TG: variants seen among roughly 807,000 people sequenced by gnomAD.
TG encodes the protein thyroglobulin.
TG carries 270 observed loss-of-function variants against 324.7 expected under a neutral mutation model. The ratio of observed to expected loss-of-function variants is 0.83; its 90% CI spans 0.75 to 0.92. TG has a LOEUF of 0.92. Ranked by LOEUF, TG falls within the 40% of genes least tolerant of loss-of-function variation. TG has a pLI of 0.00. For missense variants in TG, 3,591 were observed against 3,456.4 expected (o/e 1.04, Z -0.98); for synonymous variants, 1,401 against 1,327.0 (o/e 1.06, Z -1.21).
intron 41 of TG, chr8:133,037,118 G>A (rs1837249067): frequency 6.6e-6 from 1 of 152,202 alleles, no homozygotes. Flanking sequence ...ATGCTTATGT[G>A]AGCAGACAGA....
intron 27 of TG, among the ~76,000 whole-genome samples, chr8:132,960,697 C>T (rs1827615803): frequency 6.6e-6 from 1 of 152,072 alleles, no homozygotes; most frequent in East Asian, 1.9e-4. Flanking sequence ...CTCGAGTGTC[C>T]CAGGAGGTTT....
At chr8:133,096,511 G>A (rs1488151829) in intron 43 of TG, 138 bp downstream of exon 43, 2 of 1,054,872 alleles carry the variant, frequency 1.9e-6, no homozygotes, top group East Asian at 2.4e-5. Context: ...AGTTTAGGAG[G>A]TGGTAATGGG....
At chr8:132,952,734 C>T (rs956896208) in intron 27 of TG, among the ~76,000 whole-genome samples, 5 of 152,350 alleles carry the variant, frequency 3.3e-5, no homozygotes, top group African/African-American at 9.6e-5. Flanking sequence ...AGCACTTTCA[C>T]GTACAACTCA....
intron 10 of TG, among the ~76,000 whole-genome samples, chr8:132,891,399 A>T (rs1447729796): frequency 6.6e-6 from 1 of 152,164 alleles, no homozygotes. Flanking sequence ...CAGTGGCATG[A>T]TCTCAGTTCA....
chr8:132,974,233 A>T (rs1363104222), intron 34 of TG, among the ~76,000 whole-genome samples: 2 of 152,044 alleles, frequency 1.3e-5, no homozygotes, highest in Non-Finnish European at 2.9e-5. Flanking sequence ...ACCTCAGGTG[A>T]TCCACCCGCC....
intron 46 of TG, 156 bp from the exon 47 acceptor site, chr8:133,133,314 C>A (rs1304470920): frequency 1.3e-6 from 1 of 780,222 alleles, no homozygotes; most frequent in Non-Finnish European, 2.2e-6. Context: ...AAGATCACAA[C>A]CCCAGAAGCC....
intron 37 of TG, among the ~76,000 whole-genome samples, chr8:133,015,304 T>G (rs1287079961): frequency 6.6e-6 from 1 of 152,218 alleles, no homozygotes; most frequent in Non-Finnish European, 1.5e-5. Context: ...AATGCTCACT[T>G]CCAAAAGATG....
chr8:132,922,797 G>T (rs1418374410), intron 21 of TG, among the ~76,000 whole-genome samples: 1 of 152,090 alleles, frequency 6.6e-6, no homozygotes, highest in Non-Finnish European at 1.5e-5. Context: ...TCTTTTAAAG[G>T]GTACAAATCT....
chr8:132,935,523 G>C (rs1232918210), intron 24 of TG, among the ~76,000 whole-genome samples: 1 of 152,052 alleles, frequency 6.6e-6, no homozygotes, highest in Non-Finnish European at 1.5e-5. Flanking sequence ...TTTCTGAATG[G>C]AATCAATTGC....
chr8:133,024,906 C>T (rs902733006), intron 40 of TG, among the ~76,000 whole-genome samples: 4 of 152,048 alleles, frequency 2.6e-5, no homozygotes, highest in Non-Finnish European at 4.4e-5. Flanking sequence ...AATGATTTGG[C>T]GATTCCTCAA....
chr8:133,015,021 T>C (rs2702997), intron 37 of TG, among the ~76,000 whole-genome samples: 38,394 of 152,104 alleles, frequency 0.25, 5,919 homozygotes, highest in South Asian at 0.4. Flanking sequence ...TACAGGTGCA[T>C]GCCATGATGC....
At chr8:132,872,159 GT>G (rs1369432859) in intron 4 of TG, among the ~76,000 whole-genome samples, 8 of 152,118 alleles carry the variant, frequency 5.3e-5, no homozygotes, top group Non-Finnish European at 8.8e-5. Flanking sequence ...AGAGTCAAAA[GT>G]TTTAAAAAAT....
intron 5 of TG, among the ~76,000 whole-genome samples, chr8:132,880,425 T>A (rs1814488350): frequency 6.6e-6 from 1 of 152,226 alleles, no homozygotes; most frequent in African/African-American, 2.4e-5. Context: ...AATTGAATTA[T>A]CCTAGGCTCT....
At position 132,886,656 on chromosome 8, in the gene TG, A is replaced by G. The variant is rs763822395; in HGVS notation, c.1284A>G (p.Gly428=). The G allele has an allele frequency of 6.2e-6, 10 of 1,614,166 alleles. No individual in the cohort carries two copies. The Admixed American group carries it at 8.3e-5, about 13-fold the overall frequency. Residue 428 remains glycine, a synonymous_variant, in exon 9 of 48, where the codon GGA becomes GGG. Coordinates refer to ENST00000220616, the MANE Select transcript of TG (RefSeq NM_003235.5). ...GGCTTCTCCGCCCAATGGTGGAGGG[A>G]CAGAGCCAACAGTTTTCTGTCTCAG... ...DSGLLRPMVE[G]QSQQFSVSEN... is the part of the protein sequence containing the mutation.
At chr8:132,909,754 A>C (rs540696087) in intron 18 of TG, among the ~76,000 whole-genome samples, 16 of 152,310 alleles carry the variant, frequency 1.1e-4, no homozygotes, top group African/African-American at 3.6e-4. Context: ...CCCACCTTGG[A>C]GAGTCAGTTT....
intron 45 of TG, among the ~76,000 whole-genome samples, chr8:133,118,320 C>CTT (rs34171048): frequency 7.2e-4 from 64 of 88,912 alleles, no homozygotes; most frequent in Middle Eastern, 0.011. Context: ...CAGATTCTTC[C>CTT]TTTTTTTTTT....
chr8:132,931,490 A>G (rs1384998748), intron 23 of TG, among the ~76,000 whole-genome samples: 4 of 152,168 alleles, frequency 2.6e-5, no homozygotes, highest in Non-Finnish European at 4.4e-5. Flanking sequence ...GAAAGGGGAG[A>G]CTGGTAAGAA....
rs1420996637 is a variant in TG at position 133,059,135 on chromosome 8, A to G, written c.7239+29112A>G. On this transcript the variant is annotated intron_variant, in intron 41 of 47. Coordinates refer to ENST00000220616, the MANE Select transcript of TG (RefSeq NM_003235.5). ...GGCAGACAGGGCAGCCATCTGCGCCAGTGAACTCCGCCCAGGGCGGTGCTG... is the reference window on the plus strand; with the variant it reads ...GGCAGACAGGGCAGCCATCTGCGCCGGTGAACTCCGCCCAGGGCGGTGCTG... The G allele has an allele frequency of 1.8e-5, 8 of 456,310 alleles. No homozygotes were observed. The Admixed American group carries it at 1.9e-4, about 11-fold the overall frequency. 28.3% of individuals were successfully genotyped at this position (456,310 alleles called of 1,614,324 possible). A position where few individuals can be genotyped will look rare whatever the true frequency, so the allele number is the denominator to read the frequency against.
At chr8:132,884,692 A>G (rs1815135556) in intron 8 of TG, among the ~76,000 whole-genome samples, 2 of 152,362 alleles carry the variant, frequency 1.3e-5, no homozygotes, top group South Asian at 4.1e-4. Context: ...CCAGGTGGAA[A>G]TGAAGAACTA....
Sources: allele counts gnomAD v4.1 joint callset (sites outside exome capture counted in the v4.1 genomes callset), GRCh38; gene constraint gnomAD v4.1.1; transcripts MANE v1.5; gene names NCBI Gene and HGNC (gene_info 2026-07-23, HGNC 2026-07-21).